Variants in DUXA observed in about 807,000 individuals in gnomAD.
DUXA encodes double homeobox protein A.
DUXA carries 25 observed loss-of-function variants against 27.5 expected under a neutral mutation model. The ratio of observed to expected loss-of-function variants is 0.91; its 90% CI spans 0.66 to 1.27. The LOEUF (loss-of-function observed/expected upper bound fraction) is 1.27. Ranked by LOEUF, DUXA falls within the 50% of genes most tolerant of loss-of-function variation. DUXA has a pLI of 0.00. For missense variants in DUXA, 247 were observed against 242.9 expected (o/e 1.02, Z -0.11); for synonymous variants, 90 against 80.5 (o/e 1.12, Z -0.63).
At chr19:57,167,292 T>G in intron 1 of DUXA, 127 bp downstream of exon 1, 1 of 1,183,386 alleles carries the variant, frequency 8.5e-7, no homozygotes, top group Non-Finnish European at 1.2e-6. Context: ...GAAACCGGTT[T>G]TCCCCTATCC....
intron 1 of DUXA, among the ~76,000 whole-genome samples, chr19:57,161,539 C>T (rs574510924): frequency 1.9e-4 from 28 of 150,374 alleles, no homozygotes; most frequent in Non-Finnish European, 3.4e-4. Flanking sequence ...AGGAGAATGG[C>T]GTGAACCCGG....
intron 1 of DUXA, among the ~76,000 whole-genome samples, chr19:57,161,922 C>CT (rs1491218416): frequency 6.6e-6 from 1 of 151,990 alleles, no homozygotes; most frequent in Non-Finnish European, 1.5e-5. Context: ...CAGGATCTCA[C>CT]TCTGTTGCCC....
chr19:57,166,116 C>G (rs2087053321), intron 1 of DUXA, among the ~76,000 whole-genome samples: 1 of 151,848 alleles, frequency 6.6e-6, no homozygotes, highest in East Asian at 1.9e-4. Context: ...TGGGGAGAGG[C>G]CCTGGGCTGG....
intron 1 of DUXA, 27 bp from the exon 2 acceptor site, chr19:57,160,824 C>G: frequency 6.2e-7 from 1 of 1,611,408 alleles, no homozygotes. Context: ...AAAGAAGAAG[C>G]ATGTAATAGG....
chr19:57,162,578 G>A (rs960735323), intron 1 of DUXA, among the ~76,000 whole-genome samples: 1 of 145,088 alleles, frequency 6.9e-6, no homozygotes, highest in Admixed American at 6.8e-5. Context: ...TTTGTTTTTT[G>A]TTTTTTGTTT....
intron 1 of DUXA, among the ~76,000 whole-genome samples, chr19:57,166,778 T>A (rs879171536): frequency 6.6e-6 from 1 of 152,292 alleles, no homozygotes; most frequent in South Asian, 2.1e-4. Context: ...ATTTGAATGT[T>A]AAAGCCATCA....
intron 3 of DUXA, 100 bp from the exon 4 acceptor site, chr19:57,158,573 C>T: frequency 7.1e-7 from 1 of 1,414,728 alleles, no homozygotes; most frequent in Non-Finnish European, 9.7e-7. Context: ...ACTCTCCCTC[C>T]AATTTCGATC....
chr19:57,155,646 A>AAGATAGATGATAGATAGAT (rs1555757947), intron 4 of DUXA, among the ~76,000 whole-genome samples: 1 of 144,012 alleles, frequency 6.9e-6, no homozygotes, highest in Non-Finnish European at 1.5e-5. Flanking sequence ...TGCCCAACCC[A>AAGATAGATGATAGATAGAT]AGATAGATAG....
intron 1 of DUXA, among the ~76,000 whole-genome samples, chr19:57,162,828 C>T (rs1294504179): frequency 6.6e-6 from 1 of 152,162 alleles, no homozygotes; most frequent in African/African-American, 2.4e-5. Context: ...CCCACCTTGG[C>T]CTACCACATT....
rs1279070818 is a variant in DUXA at position 57,155,456 on chromosome 19, T to A, written c.439-84A>T. ...TTGCTTTCTTCTCTTTTTTCTTTTC[T>A]GTTTTTTGAGACAGCGGTCTCTCTC... On this transcript the variant is annotated intron_variant, in intron 4 of 5. Transcript: ENST00000554048. 6 of 1,150,988 alleles carry A rather than the reference T, an allele frequency of 5.2e-6. No homozygotes were observed. In the African/African-American group the frequency reaches 7.7e-5, roughly 15 times the overall value. The allele number at this position is 1,150,988 out of a possible 1,614,324, so 71.3% of individuals were successfully genotyped here. A position where few individuals can be genotyped will look rare whatever the true frequency, so the allele number is the denominator to read the frequency against.
rs2087016482 is a variant in DUXA, at chr19:57,160,762, T to C, written c.61A>G (p.Lys21Glu). The C allele has an allele frequency of 6.2e-7, 1 of 1,614,202 alleles. No homozygotes were observed. Among genetic ancestry groups the C allele is most frequent in the Non-Finnish European group, 8.5e-7 (1 of 1,180,040 alleles). Residue 21 changes from lysine (K) to glutamate (E), a missense_variant, in exon 2 of 6, where the codon AAA (lysine) becomes GAA (glutamate). Physicochemically the swap from Lys to Glu is moderately conservative, Grantham distance 56. Coordinates refer to ENST00000554048, the MANE Select transcript of DUXA (RefSeq NM_001012729.2). ...VKTNHRRCRT[K>E]FTEEQLKILI... ...ATTTTCAACTGTTCTTCTGTGAATT[T>C]TGTGCGACAGCGCCTATGATTTGTT...
chr19:57,161,239 C>T (rs1476333873), intron 1 of DUXA, among the ~76,000 whole-genome samples: 2 of 146,192 alleles, frequency 1.4e-5, no homozygotes, highest in South Asian at 2.2e-4. Flanking sequence ...GCAGCAAAAT[C>T]GCTTGAACCT....
intron 1 of DUXA, among the ~76,000 whole-genome samples, chr19:57,162,440 C>G (rs899497718): frequency 1.3e-5 from 2 of 152,178 alleles, no homozygotes; most frequent in Non-Finnish European, 2.9e-5. Context: ...CAGAATTAGA[C>G]TTAGTGAATT....
rs1253518742 is a variant in DUXA, at chr19:57,154,343, T to G, written c.*69A>C. The G allele has an allele frequency of 2.1e-6, 3 of 1,444,482 alleles. No homozygotes were observed. The highest frequency in any genetic ancestry group is 1.1e-5 in the South Asian group (1 of 86,968). 89.5% of individuals were successfully genotyped at this position (1,444,482 alleles called of 1,614,324 possible). On this transcript the variant is annotated 3_prime_UTR_variant, in exon 6 of 6. Coordinates refer to ENST00000554048, the MANE Select transcript of DUXA (RefSeq NM_001012729.2). ...TTGCAGTTTCAGCAGAAGGATAGAC[T>G]CCCAGGAAGACCGTGAGACAGATTT...
intron 1 of DUXA, among the ~76,000 whole-genome samples, chr19:57,161,484 G>A (rs959138981): frequency 1.1e-4 from 17 of 149,814 alleles, no homozygotes; most frequent in African/African-American, 4.0e-4. Flanking sequence ...TTAGCCGGGC[G>A]CAGTGGCGGG....
intron 4 of DUXA, among the ~76,000 whole-genome samples, chr19:57,157,108 C>G (rs10411130): frequency 0.72 from 109,797 of 152,078 alleles, 39,986 homozygotes; most frequent in South Asian, 0.85. Context: ...GAAAGAAGGA[C>G]AGAATGAAAA....
In DUXA at chr19:57,155,334, C is replaced by T; in HGVS notation, c.477G>A (p.Gln159=). The change falls in exon 5 of 6, where the codon CAG becomes CAA. Residue 159 remains glutamine (Q), a synonymous_variant. Coordinates refer to ENST00000554048, the MANE Select transcript of DUXA (RefSeq NM_001012729.2). Reference sequence around the variant, plus strand: ...AGGACGCCACAGGTTCCCTTTTTCTCTGGAGAAGTAATCTAGATCTTCGAT... The same window carrying T: ...AGGACGCCACAGGTTCCCTTTTTCTTTGGAGAAGTAATCTAGATCTTCGAT... ...FQNRRSRLLL[Q]RKREPVASLE... 1 of 1,614,188 alleles carries T rather than the reference C, an allele frequency of 6.2e-7. No homozygotes were observed. The highest frequency in any genetic ancestry group is 8.5e-7 in the Non-Finnish European group (1 of 1,180,026).
chr19:57,164,907 G>T (rs1411015134), intron 1 of DUXA, among the ~76,000 whole-genome samples: 1 of 152,122 alleles, frequency 6.6e-6, no homozygotes, highest in Non-Finnish European at 1.5e-5. Context: ...TTCTTGCACT[G>T]AAAGTATGAG....
At chr19:57,165,803 C>CAAAAAAAAAAAAAAA (rs3082068) in intron 1 of DUXA, among the ~76,000 whole-genome samples, 1 of 95,862 alleles carries the variant, frequency 1.0e-5, no homozygotes. Flanking sequence ...AGACTCCTCT[C>CAAAAAAAAAAAAAAA]AAAAAAAAAA....
Sources: allele counts gnomAD v4.1 joint callset (sites outside exome capture counted in the v4.1 genomes callset), GRCh38; gene constraint gnomAD v4.1.1; transcripts MANE v1.5; gene names NCBI Gene and HGNC (gene_info 2026-07-23, HGNC 2026-07-21).